HDAC1: variants seen among roughly 807,000 people sequenced by gnomAD.
The protein encoded by HDAC1 is protein deacetylase HDAC1.
A neutral mutation model predicts 65.5 loss-of-function variants in HDAC1; 18 were observed. The ratio of observed to expected loss-of-function variants is 0.27; its 90% CI spans 0.19 to 0.41. HDAC1 has a LOEUF of 0.41. Among genes scored for constraint, HDAC1 ranks in the 10% least tolerant of loss-of-function variants. HDAC1 has a pLI of 1.00. For missense variants in HDAC1, 373 were observed against 625.2 expected, an observed-to-expected ratio of 0.60 and a Z score of 4.30; for synonymous variants, 211 against 227.9, an observed-to-expected ratio of 0.93 and a Z score of 0.67.
At position 32,327,602 on chromosome 1, in the gene HDAC1, C is replaced by T; in HGVS notation, c.561C>T (p.Phe187=). 3 of 1,613,150 alleles carry T rather than the reference C, an allele frequency of 1.9e-6. No individual in the cohort carries two copies. The highest frequency in any genetic ancestry group is 2.5e-6 in the Non-Finnish European group (3 of 1,179,074). Residue 187 remains phenylalanine (F), a synonymous_variant, in exon 6 of 14, where the codon TTC becomes TTT. Transcript: ENST00000373548. This position sits in a 1 kb window ranked among gnomAD's most constrained non-coding sequence, Gnocchi z 6.0. ...IHHGDGVEEA[F]YTTDRVMTVS... ...ATGGTGACGGCGTGGAAGAGGCCTT[C>T]TACACCACGGACCGGGTCATGACTG... is the stretch of plus-strand genomic sequence containing the variant.
intron 12 of HDAC1, among the ~76,000 whole-genome samples, 200 bp from the exon 13 acceptor site, chr1:32,332,501 A>T (rs879589996): frequency 6.6e-6 from 1 of 152,142 alleles, no homozygotes; most frequent in Non-Finnish European, 1.5e-5. Context: ...GCCTCCGCCC[A>T]CCAGGTTCTG....
intron 1 of HDAC1, among the ~76,000 whole-genome samples, chr1:32,292,644 G>A (rs906707331): frequency 2.0e-5 from 3 of 151,978 alleles, no homozygotes; most frequent in African/African-American, 4.8e-5. Flanking sequence ...CTGGTTGCCC[G>A]CCTCCCCTCC....
chr1:32,316,810 T>C (rs778741268), intron 3 of HDAC1, 28 bp downstream of exon 3: 2 of 1,402,116 alleles, frequency 1.4e-6, no homozygotes, highest in African/African-American at 1.4e-5. Flanking sequence ...CCTCACACTC[T>C]GAAGCCGCCA....
At chr1:32,328,889 T>C (rs188558721) in intron 6 of HDAC1, among the ~76,000 whole-genome samples, 179 bp from the exon 7 acceptor site, 4 of 151,840 alleles carry the variant, frequency 2.6e-5, no homozygotes, top group Admixed American at 2.6e-4. Flanking sequence ...GATTTGCCAG[T>C]GAAGCTAGAT....
intron 3 of HDAC1, among the ~76,000 whole-genome samples, chr1:32,319,446 G>C (rs890876075): frequency 4.6e-5 from 7 of 152,012 alleles, no homozygotes; most frequent in Admixed American, 4.6e-4. Context: ...ACAGTAATGA[G>C]CCCTTTTTAA....
chr1:32,294,572 C>CGCA (rs1640741759), intron 1 of HDAC1, among the ~76,000 whole-genome samples: 1 of 142,518 alleles, frequency 7.0e-6, no homozygotes, highest in Non-Finnish European at 1.5e-5. Flanking sequence ...AGTGCAGTGG[C>CGCA]GCAATCTCGG....
rs1641273033 is a variant in HDAC1, at chr1:32,330,242, G to A, written c.730-336G>A. The stretch of plus-strand genomic sequence containing the variant: ...GCTTCAAGTCTGTAAGACCGAATGA[G>A]TAGAGTAGATGCAGCTAAAGGTCAG... On this transcript the variant is annotated intron_variant, in intron 7 of 13. Coordinates refer to ENST00000373548, the MANE Select transcript of HDAC1 (RefSeq NM_004964.3). This position sits in a 1 kb window ranked among gnomAD's most constrained non-coding sequence, Gnocchi z 4.2. The A allele has an allele frequency of 6.6e-6, 2 of 304,082 alleles. No homozygotes were observed. The highest frequency in any genetic ancestry group is 6.3e-6 in the Non-Finnish European group (1 of 158,774). 18.8% of individuals were successfully genotyped at this position (304,082 alleles called of 1,614,324 possible).
chr1:32,293,363 G>A (rs1640724730), intron 1 of HDAC1, among the ~76,000 whole-genome samples: 2 of 151,492 alleles, frequency 1.3e-5, no homozygotes, highest in Non-Finnish European at 2.9e-5. Context: ...ACCGGACCAT[G>A]AAGGGCTGGG....
At chr1:32,307,906 C>A (rs1361414225) in intron 2 of HDAC1, among the ~76,000 whole-genome samples, 1 of 152,194 alleles carries the variant, frequency 6.6e-6, no homozygotes, top group South Asian at 2.1e-4. Context: ...AAGCTCTATA[C>A]CTCTCTAGAT....
chr1:32,315,226 T>C (rs1012285509), intron 2 of HDAC1, among the ~76,000 whole-genome samples: 1 of 152,192 alleles, frequency 6.6e-6, no homozygotes, highest in Admixed American at 6.6e-5. Context: ...GTGATCAAAA[T>C]TGTTGATGTG....
rs147957656 is a variant in HDAC1 at position 32,331,568 on chromosome 1, C to T, written c.1074C>T (p.Tyr358=). 64 of 1,608,778 alleles carry T rather than the reference C, an allele frequency of 4.0e-5. No individual in the cohort carries two copies. The highest frequency in any genetic ancestry group is 1.7e-4 in the Middle Eastern group (1 of 6,052). ...SNMTNQNTNE[Y]LEKIKQRLFE... ...TGACTAACCAGAACACGAATGAGTA[C>T]CTGGAGAAGATCAAGTGAGTATATC... The change falls in exon 10 of 14, where the codon TAC becomes TAT. Residue 358 remains tyrosine (Y), a synonymous_variant. Transcript: ENST00000373548. This position sits in a 1 kb window ranked among gnomAD's most constrained non-coding sequence, Gnocchi z 4.2.
In HDAC1 at chr1:32,292,148, G is replaced by A. The variant is rs1254205804; in HGVS notation, c.-22G>A. 1 of 1,547,760 alleles carries A rather than the reference G, an allele frequency of 6.5e-7. No homozygotes were observed. ...GGGAGGGCGGACGGACCGACTGACG[G>A]TAGGGACGGGAGGCGAGCAAGATGG... On this transcript the variant is annotated 5_prime_UTR_variant, in exon 1 of 14. Coordinates refer to ENST00000373548, the MANE Select transcript of HDAC1 (RefSeq NM_004964.3).
At position 32,301,081 on chromosome 1, in the gene HDAC1, A is replaced by G. The variant is rs564957989; in HGVS notation, c.50-1540A>G. On this transcript the variant is annotated intron_variant, in intron 1 of 13. Transcript: ENST00000373548. ...AGTGAGTGTGTGTGTGTTGTGGGAA[A>G]GGGTGGTAGCAGGAGATGAAGCTGG... Among the ~76,000 whole-genome samples the G allele has an allele frequency of 1.9e-3, 290 of 152,270 alleles. 1 individual carries two copies. The highest frequency in any genetic ancestry group is 6.5e-3 in the African/African-American group (270 of 41,556).
At chr1:32,323,691 C>T (rs1641178959) in intron 3 of HDAC1, among the ~76,000 whole-genome samples, 1 of 152,128 alleles carries the variant, frequency 6.6e-6, no homozygotes, top group African/African-American at 2.4e-5. Context: ...AGCCACTGTG[C>T]CAGGCCTTGT....
At chr1:32,310,781 C>T (rs1328941211) in intron 2 of HDAC1, among the ~76,000 whole-genome samples, 2 of 150,510 alleles carry the variant, frequency 1.3e-5, no homozygotes, top group African/African-American at 2.4e-5. Flanking sequence ...ATCTGGGAGG[C>T]GGAGGTTGCA....
chr1:32,314,408 G>T (rs1641030039), intron 2 of HDAC1, among the ~76,000 whole-genome samples: 2 of 152,116 alleles, frequency 1.3e-5, no homozygotes, highest in South Asian at 4.1e-4. Flanking sequence ...GCCCAGGCTG[G>T]TCTCAAACTC....
chr1:32,317,409 C>G (rs1471318613), intron 3 of HDAC1, among the ~76,000 whole-genome samples: 6 of 152,142 alleles, frequency 3.9e-5, no homozygotes, highest in African/African-American at 9.7e-5. Flanking sequence ...ACTATCATAC[C>G]TGACTTCCCC....
intron 3 of HDAC1, among the ~76,000 whole-genome samples, chr1:32,319,691 G>C (rs889729966): frequency 4.6e-5 from 7 of 152,062 alleles, no homozygotes; most frequent in Non-Finnish European, 1.0e-4. Context: ...GAGGCCAGGA[G>C]TTCAAGACCA....
chr1:32,322,707 A>G (rs995799459), intron 3 of HDAC1, among the ~76,000 whole-genome samples: 1 of 152,136 alleles, frequency 6.6e-6, no homozygotes, highest in South Asian at 2.1e-4. Context: ...CACATTATGT[A>G]CTACTTGGTA....
Sources: gnomAD v4.1 joint callset for allele counts (sites outside exome capture counted in the v4.1 genomes callset) on GRCh38, gnomAD v4.1.1 for gene constraint, Gnocchi (gnomAD v3.1) non-coding constraint, MANE v1.5 for transcripts, NCBI Gene and HGNC (gene_info 2026-07-23, HGNC 2026-07-21) for gene names.